TSPAN33: variants seen among roughly 807,000 people sequenced by gnomAD.
TSPAN33 encodes tetraspanin-33.
Under a neutral mutation model 34.8 loss-of-function variants are expected in TSPAN33, and 27 were observed. That is an observed-to-expected ratio of 0.78 (90% CI 0.57 to 1.07). TSPAN33 has a LOEUF of 1.07. Ranked by LOEUF, TSPAN33 falls within the 50% of genes least tolerant of loss-of-function variation. The pLI, the probability that TSPAN33 is intolerant of heterozygous loss-of-function variation, is 0.00. For synonymous variants in TSPAN33, 119 were observed against 124.2 expected, an observed-to-expected ratio of 0.96 and a Z score of 0.28; for missense variants, 272 against 324.9, an observed-to-expected ratio of 0.84 and a Z score of 1.25.
intron 1 of TSPAN33, among the ~76,000 whole-genome samples, chr7:129,157,162 G>C (rs976475381): frequency 6.6e-6 from 1 of 152,184 alleles, no homozygotes; most frequent in African/African-American, 2.4e-5. Context: ...GAATGAGATT[G>C]GGAGGTTGGA....
rs1211869345 is a variant in TSPAN33, at chr7:129,161,681, G to T, written c.105G>T (p.Val35=). The T allele has an allele frequency of 6.2e-7, 1 of 1,614,190 alleles. No homozygotes were observed. Among genetic ancestry groups the T allele is most frequent in the Non-Finnish European group, 8.5e-7 (1 of 1,180,014 alleles). Residue 35 remains valine, a splice_region_variant and synonymous_variant, in exon 2 of 8, where the codon GTG becomes GTT. Transcript: ENST00000486685. The stretch of plus-strand genomic sequence containing the variant: ...TGGCTCTTTTCCTGTCTCCACAGGT[G>T]ATTTCCATGGTGATGGTGGCTGTGG... The part of the protein sequence containing the change: ...LLFFFNMLFW[V]ISMVMVAVGV...
chr7:129,145,730 G>A (rs1439145232), intron 1 of TSPAN33, among the ~76,000 whole-genome samples: 1 of 151,866 alleles, frequency 6.6e-6, no homozygotes, highest in East Asian at 1.9e-4. Flanking sequence ...TTGGGCCGGA[G>A]GGCCAGGGGT....
chr7:129,147,346 TTTC>T (rs1810535311), intron 1 of TSPAN33, among the ~76,000 whole-genome samples: 1 of 152,154 alleles, frequency 6.6e-6, no homozygotes, highest in Non-Finnish European at 1.5e-5. Context: ...TGGGGACTGT[TTTC>T]TTTCTTCAAG....
Position 129,162,456 on chromosome 7 carries a change from A to C in TSPAN33, c.223A>C (p.Met75Leu). The C allele has an allele frequency of 1.2e-6, 2 of 1,613,914 alleles. No homozygotes were observed. Among genetic ancestry groups the C allele is most frequent in the Non-Finnish European group, 1.7e-6 (2 of 1,180,026 alleles). The change falls in exon 3 of 8, where the codon ATG (methionine) becomes CTG (leucine). Residue 75 changes from methionine to leucine, a missense_variant. Physicochemically the swap from Met to Leu is conservative, Grantham distance 15 (BLOSUM62 2). Transcript: ENST00000486685. ...CCTGCTGATCGTGGTGGGTGTCCTC[A>C]TGTTCCTGCTCACCTTCTGTGGCTG... Reference protein sequence around the residue: ...AILLIVVGVLMFLLTFCGCIG... With the variant: ...AILLIVVGVLLFLLTFCGCIG...
intron 1 of TSPAN33, among the ~76,000 whole-genome samples, chr7:129,157,887 CTT>C (rs1366193445): frequency 6.6e-6 from 1 of 152,216 alleles, no homozygotes; most frequent in African/African-American, 2.4e-5. Context: ...TGACCGCAAA[CTT>C]AGTGGCTTAA....
rs1026761898 is a variant in TSPAN33 at position 129,167,919 on chromosome 7, T to A, written c.*45T>A. ...TCACCATGGAAACTGGCAAGCCTCA[T>A]AAACGAACAGCAGTGGGTGCTGAAA... On this transcript the variant is annotated 3_prime_UTR_variant, in exon 8 of 8. Coordinates refer to ENST00000486685, the MANE Select transcript of TSPAN33 (RefSeq NM_178562.5). This position sits in a 1 kb window ranked among gnomAD's most constrained non-coding sequence, Gnocchi z 4.6. 3 of 1,604,486 alleles carry A rather than the reference T, an allele frequency of 1.9e-6. No individual in the cohort carries two copies. The highest frequency in any genetic ancestry group is 1.7e-6 in the Non-Finnish European group (2 of 1,175,756).
chr7:129,151,261 G>A (rs1034263450), intron 1 of TSPAN33, among the ~76,000 whole-genome samples: 2 of 152,124 alleles, frequency 1.3e-5, no homozygotes, highest in Admixed American at 6.6e-5. Flanking sequence ...TGAGTAGCTT[G>A]GACTACAGGC....
chr7:129,156,359 A>G (rs1487074189), intron 1 of TSPAN33, among the ~76,000 whole-genome samples: 1 of 152,236 alleles, frequency 6.6e-6, no homozygotes, highest in South Asian at 2.1e-4. Flanking sequence ...CCTCCGCTGT[A>G]GAGTTAGCCT....
chr7:129,154,405 A>G (rs1337200402), intron 1 of TSPAN33, among the ~76,000 whole-genome samples: 1 of 152,080 alleles, frequency 6.6e-6, no homozygotes, highest in East Asian at 1.9e-4. Flanking sequence ...ACAGTTTGTA[A>G]AACTGTATGC....
At position 129,160,792 on chromosome 7, in the gene TSPAN33, G is replaced by A. The variant is rs144029985; in HGVS notation, c.103-887G>A. ...TGGGAGTATGCAACCGCCCAGGCCT[G>A]CTTTAGGTATAAAACCTGTCCTTTG... On this transcript the variant is annotated intron_variant, in intron 1 of 7. Transcript: ENST00000486685. 1.6e-3 allele frequency among the ~76,000 whole-genome samples: 239 copies of A among 152,288 alleles called. 2 individuals are homozygous for A. The highest frequency in any genetic ancestry group is 5.6e-3 in the African/African-American group (231 of 41,564).
chr7:129,147,691 G>A (rs1336606560), intron 1 of TSPAN33, among the ~76,000 whole-genome samples: 4 of 152,194 alleles, frequency 2.6e-5, no homozygotes, highest in Non-Finnish European at 5.9e-5. Context: ...TGCTCTGGCC[G>A]GCTTCTGGAG....
In TSPAN33 at chr7:129,162,379, C is replaced by G; in HGVS notation, c.161-15C>G. The G allele has an allele frequency of 1.2e-6, 2 of 1,610,574 alleles. No homozygotes were observed. The highest frequency in any genetic ancestry group is 1.7e-6 in the Non-Finnish European group (2 of 1,179,948). ...TGGGCACCAGGCTCAGGCTGAGGGC[C>G]GGCTCCTTTTCCAGAAGCAGCCCTA... is the stretch of plus-strand genomic sequence containing the variant. On this transcript the variant is annotated splice_polypyrimidine_tract_variant and intron_variant, in intron 2 of 7. Transcript: ENST00000486685.
intron 4 of TSPAN33, 64 bp from the exon 5 acceptor site, chr7:129,164,410 T>C (rs946044566): frequency 2.8e-6 from 4 of 1,415,720 alleles, no homozygotes; most frequent in Non-Finnish European, 4.0e-6. Flanking sequence ...ACTGTTATTT[T>C]TGCTGGAAGG....
intron 1 of TSPAN33, among the ~76,000 whole-genome samples, chr7:129,151,839 CAG>C (rs1233746707): frequency 6.6e-6 from 1 of 152,084 alleles, no homozygotes; most frequent in Admixed American, 6.6e-5. Context: ...TTATGAAACG[CAG>C]AGACATACAC....
At position 129,167,666 on chromosome 7, in the gene TSPAN33, T is replaced by C; in HGVS notation, c.750+106T>C. On this transcript the variant is annotated intron_variant, in intron 7 of 7. Transcript: ENST00000486685. The surrounding 1 kb of genome is among the most constrained non-coding windows in gnomAD (Gnocchi z 4.6). ...CGAGGGTGTCAGGCACTGACATGGC[T>C]GAGGGGTAGGGAAAGGGATAGTGCT... is the stretch of plus-strand genomic sequence containing the variant. 2 of 1,560,428 alleles carry C rather than the reference T, an allele frequency of 1.3e-6. No homozygotes were observed. The highest frequency in any genetic ancestry group is 1.8e-6 in the Non-Finnish European group (2 of 1,139,104).
intron 1 of TSPAN33, among the ~76,000 whole-genome samples, chr7:129,158,773 A>G (rs1180895364): frequency 6.6e-6 from 1 of 152,074 alleles, no homozygotes; most frequent in Admixed American, 6.5e-5. Context: ...TTCTTTTGAT[A>G]TAGAGTCTTG....
rs970447293 is a variant in TSPAN33, at chr7:129,161,688, A to C, written c.112A>C (p.Met38Leu). 1.2e-6 allele frequency: 2 copies of C among 1,614,014 alleles called. No homozygotes were observed. The highest frequency in any genetic ancestry group is 2.2e-5 in the South Asian group (2 of 91,070). Residue 38 changes from methionine to leucine, a missense_variant, in exon 2 of 8, where the codon ATG (methionine) becomes CTG (leucine). Coordinates refer to ENST00000486685, the MANE Select transcript of TSPAN33 (RefSeq NM_178562.5). ...FFNMLFWVIS[M>L]VMVAVGVYAR... ...TTTCCTGTCTCCACAGGTGATTTCC[A>C]TGGTGATGGTGGCTGTGGGTGTCTA... is the stretch of plus-strand genomic sequence containing the variant.
In TSPAN33 at chr7:129,167,009, C is replaced by A; in HGVS notation, c.588+103C>A. ...ATCCCCATCCCCTAGCTTCACCGAT[C>A]AGTCATGTGGGACAGCTGTCAGGTG... On this transcript the variant is annotated intron_variant, in intron 6 of 7. Coordinates refer to ENST00000486685, the MANE Select transcript of TSPAN33 (RefSeq NM_178562.5). This position sits in a 1 kb window ranked among gnomAD's most constrained non-coding sequence, Gnocchi z 4.6. 7.2e-7 allele frequency: 1 copy of A among 1,388,842 alleles called. No individual in the cohort carries two copies. 86.0% of individuals were successfully genotyped at this position (1,388,842 alleles called of 1,614,324 possible).
At chr7:129,149,788 AG>A (rs1466247024) in intron 1 of TSPAN33, among the ~76,000 whole-genome samples, 1 of 152,230 alleles carries the variant, frequency 6.6e-6, no homozygotes, top group Admixed American at 6.5e-5. Context: ...CCTCCACTCC[AG>A]GGGGACAGTG....
Sources: allele counts gnomAD v4.1 joint callset (sites outside exome capture counted in the v4.1 genomes callset), GRCh38; gene constraint gnomAD v4.1.1; non-coding constraint Gnocchi (gnomAD v3.1); transcripts MANE v1.5; gene names NCBI Gene and HGNC (gene_info 2026-07-23, HGNC 2026-07-21).